The following ZNF385D variants were observed in gnomAD, a reference collection of about 807,000 sequenced individuals.
ZNF385D encodes zinc finger protein 385D.
Under a neutral mutation model 35.8 loss-of-function variants are expected in ZNF385D, and 15 were observed. That is an observed-to-expected ratio of 0.42 (90% confidence interval 0.28 to 0.64). The LOEUF (loss-of-function observed/expected upper bound fraction) is 0.64. Ranked by LOEUF, ZNF385D falls within the 30% of genes least tolerant of loss-of-function variation. The pLI, the probability that ZNF385D is intolerant of heterozygous loss-of-function variation, is 0.23. For missense variants in ZNF385D, 474 were observed against 494.6 expected, an observed-to-expected ratio of 0.96 and a Z score of 0.39; for synonymous variants, 212 against 186.8, an observed-to-expected ratio of 1.13 and a Z score of -1.10.
chr3:21,910,161 G>A (rs1158702890), intron 3 of ZNF385D, among the ~76,000 whole-genome samples: 1 of 151,616 alleles, frequency 6.6e-6, no homozygotes, highest in African/African-American at 2.4e-5. Flanking sequence ...TCACCTCCAT[G>A]ATAGGATTGC....
At chr3:22,314,434 G>T (rs1703771494) in intron 2 of ZNF385D, among the ~76,000 whole-genome samples, 1 of 152,132 alleles carries the variant, frequency 6.6e-6, no homozygotes, top group South Asian at 2.1e-4. Context: ...CATCCAGATT[G>T]CAGTGAATGC....
chr3:22,033,525 G>A (rs937179298), intron 3 of ZNF385D, among the ~76,000 whole-genome samples: 5 of 151,768 alleles, frequency 3.3e-5, no homozygotes, highest in Non-Finnish European at 5.9e-5. Flanking sequence ...TATTTTAAAA[G>A]ACCTTAAATT....
At chr3:22,162,699 C>T (rs1344558554) in intron 3 of ZNF385D, among the ~76,000 whole-genome samples, 1 of 152,156 alleles carries the variant, frequency 6.6e-6, no homozygotes, top group Non-Finnish European at 1.5e-5. Flanking sequence ...ACCATTTGGC[C>T]TCTCCTTTGA....
chr3:22,133,139 T>C (rs1703898032), intron 3 of ZNF385D, among the ~76,000 whole-genome samples: 1 of 152,160 alleles, frequency 6.6e-6, no homozygotes, highest in Non-Finnish European at 1.5e-5. Flanking sequence ...AGAATAATCT[T>C]TAAAAAATAC....
intron 3 of ZNF385D, among the ~76,000 whole-genome samples, chr3:21,858,764 C>T (rs556308158): frequency 9.1e-4 from 139 of 152,174 alleles, no homozygotes; most frequent in Admixed American, 1.5e-3. Context: ...TCCATGTTCC[C>T]GAATTTTATA....
intron 2 of ZNF385D, among the ~76,000 whole-genome samples, chr3:21,565,214 C>T (rs1281380836): frequency 6.6e-6 from 1 of 151,926 alleles, no homozygotes; most frequent in Non-Finnish European, 1.5e-5. Context: ...TTAATTAAGT[C>T]ATTCAGCAAT....
At chr3:22,329,382 G>A (rs905248196) in intron 2 of ZNF385D, among the ~76,000 whole-genome samples, 1 of 152,118 alleles carries the variant, frequency 6.6e-6, no homozygotes, top group Non-Finnish European at 1.5e-5. Context: ...ATCTACATCA[G>A]TTCAAGTGTT....
intron 4 of ZNF385D, among the ~76,000 whole-genome samples, chr3:21,497,660 G>T (rs1254239968): frequency 6.6e-6 from 1 of 151,870 alleles, no homozygotes; most frequent in Non-Finnish European, 1.5e-5. Context: ...ACCAGCCTGG[G>T]CAATATGGCA....
intron 3 of ZNF385D, among the ~76,000 whole-genome samples, chr3:22,033,761 C>T (rs571608971): frequency 6.6e-6 from 1 of 152,104 alleles, no homozygotes; most frequent in South Asian, 2.1e-4. Context: ...TCCATAGAAC[C>T]CCTTATTTGA....
At chr3:22,357,615 A>C (rs561448215) in intron 2 of ZNF385D, among the ~76,000 whole-genome samples, 3 of 152,044 alleles carry the variant, frequency 2.0e-5, no homozygotes, top group African/African-American at 4.8e-5. Context: ...AAAGAAAAAA[A>C]AACTTATTTC....
chr3:22,095,507 A>G lies in ZNF385D; in HGVS notation c.325+73310T>C, dbSNP rs80126901. Among the ~76,000 whole-genome samples, 778 of 152,084 alleles carry G rather than the reference A, an allele frequency of 5.1e-3. 6 individuals are homozygous for G. The highest frequency in any genetic ancestry group is 0.018 in the African/African-American group (736 of 41,528). ...GACAATGCTCTCAAGCTATTGATCTATCTTCTGATTCAATATGATACTCTA... is the reference window on the plus strand; with the variant it reads ...GACAATGCTCTCAAGCTATTGATCTGTCTTCTGATTCAATATGATACTCTA... On this transcript the variant is annotated intron_variant, in intron 3 of 5. Transcript: ENST00000494108.
intron 3 of ZNF385D, among the ~76,000 whole-genome samples, chr3:21,877,359 C>G (rs1221671712): frequency 1.3e-5 from 2 of 152,022 alleles, no homozygotes; most frequent in Admixed American, 6.6e-5. Context: ...GAAATCAATT[C>G]AAGAGCAGAT....
chr3:21,865,044 A>ATT (rs1477561888), intron 3 of ZNF385D, among the ~76,000 whole-genome samples: 7 of 32,754 alleles, frequency 2.1e-4, no homozygotes, highest in South Asian at 1.0e-3. Context: ...TACAGGGAAG[A>ATT]CTTTTTTTTT....
intron 3 of ZNF385D, among the ~76,000 whole-genome samples, chr3:21,880,680 T>A (rs1698231768): frequency 1.3e-5 from 2 of 151,926 alleles, no homozygotes; most frequent in Admixed American, 1.3e-4. Flanking sequence ...TCACGTTAAG[T>A]CAAAAGCTAG....
chr3:21,847,979 A>G (rs1021279449), intron 3 of ZNF385D, among the ~76,000 whole-genome samples: 1 of 151,476 alleles, frequency 6.6e-6, no homozygotes, highest in Non-Finnish European at 1.5e-5. Flanking sequence ...TTGATTAGCA[A>G]CTCCTCATTT....
At position 21,539,032 on chromosome 3, in the gene ZNF385D, T is replaced by C. The variant is rs953519715; in HGVS notation, c.276+25542A>G. On this transcript the variant is annotated intron_variant, in intron 3 of 7. Transcript: ENST00000281523. The surrounding 1 kb of genome is among the most constrained non-coding windows in gnomAD (Gnocchi z 4.0). ...TCCTTGTGGTAAACCATTTGACTAG[T>C]CTCTCTGGTCTGAGAAGAGATGAAC... 1.3e-5 allele frequency among the ~76,000 whole-genome samples: 2 copies of C among 152,100 alleles called. No homozygotes were observed. Among genetic ancestry groups the C allele is most frequent in the Admixed American group, 1.3e-4 (2 of 15,280 alleles).
intron 2 of ZNF385D, among the ~76,000 whole-genome samples, chr3:22,321,079 T>C (rs1267980127): frequency 6.6e-6 from 1 of 151,556 alleles, no homozygotes; most frequent in Non-Finnish European, 1.5e-5. Context: ...AACTGTACTG[T>C]CATTATTTAA....
chr3:22,002,572 A>G (rs2125417119), intron 3 of ZNF385D, among the ~76,000 whole-genome samples: 1 of 152,284 alleles, frequency 6.6e-6, no homozygotes, highest in African/African-American at 2.4e-5. Flanking sequence ...TTTCTAACTC[A>G]TTTTATGAGG....
chr3:22,221,485 G>C (rs1698253124), intron 2 of ZNF385D, among the ~76,000 whole-genome samples: 2 of 152,084 alleles, frequency 1.3e-5, no homozygotes, highest in South Asian at 2.1e-4. Context: ...CATTGCGTTA[G>C]AGTGTTCTTA....
Sources: allele counts gnomAD v4.1 joint callset (sites outside exome capture counted in the v4.1 genomes callset), GRCh38; gene constraint gnomAD v4.1.1; non-coding constraint Gnocchi (gnomAD v3.1); transcripts MANE v1.5; gene names NCBI Gene and HGNC (gene_info 2026-07-23, HGNC 2026-07-21).